The following COL5A1 variants were observed in gnomAD, a reference collection of about 807,000 sequenced individuals.
COL5A1 encodes the protein collagen alpha-1(V) chain.
Under a neutral mutation model 263.7 loss-of-function variants are expected in COL5A1, and 16 were observed. The ratio of observed to expected loss-of-function variants is 0.06; its 90% CI spans 0.04 to 0.09. The LOEUF is 0.09. Among genes scored for constraint, COL5A1 ranks in the 10% least tolerant of loss-of-function variants. The pLI is 1.00. For missense variants in COL5A1, 2,036 were observed against 2,540.5 expected (o/e 0.80, Z 4.27); for synonymous variants, 1,012 against 1,004.5 (o/e 1.01, Z -0.14).
At chr9:134,769,910 A>G (rs531722141) in intron 25 of COL5A1, among the ~76,000 whole-genome samples, 1 of 152,140 alleles carries the variant, frequency 6.6e-6, no homozygotes, top group Admixed American at 6.5e-5. Flanking sequence ...CAGCTGACCT[A>G]ACTTGTTCTC....
chr9:134,702,393 C>T (rs750001541), intron 4 of COL5A1, among the ~76,000 whole-genome samples: 2 of 151,992 alleles, frequency 1.3e-5, no homozygotes, highest in South Asian at 2.1e-4. Context: ...CGAGCGCTGC[C>T]GTGAGCTCCT....
rs373594099 is a variant in COL5A1 at position 134,736,355 on chromosome 9, C to T, written c.1390-2119C>T. ...GCCTTCTTGCTGTGTCCTCACATAG[C>T]GGAAGGCATCGCATGGTGAGAAGGA... On this transcript the variant is annotated intron_variant, in intron 9 of 65. Coordinates refer to ENST00000371817, the MANE Select transcript of COL5A1 (RefSeq NM_000093.5). 3.9e-5 allele frequency among the ~76,000 whole-genome samples: 6 copies of T among 152,334 alleles called. No homozygotes were observed. The South Asian group carries it at 8.3e-4, about 21-fold the overall frequency.
chr9:134,703,481 A>C (rs1384988676), intron 4 of COL5A1, among the ~76,000 whole-genome samples: 1 of 152,098 alleles, frequency 6.6e-6, no homozygotes, highest in Non-Finnish European at 1.5e-5. Flanking sequence ...CATTTGTAAA[A>C]CATTGGTCAC....
intron 32 of COL5A1, among the ~76,000 whole-genome samples, chr9:134,790,812 G>C (rs1275903021): frequency 6.6e-6 from 1 of 151,892 alleles, no homozygotes; most frequent in African/African-American, 2.4e-5. Context: ...GAAACATGGG[G>C]AATGTGAGGT....
chr9:134,800,219 G>A (rs1838057365), intron 37 of COL5A1, among the ~76,000 whole-genome samples: 1 of 152,204 alleles, frequency 6.6e-6, no homozygotes, highest in Non-Finnish European at 1.5e-5. Flanking sequence ...GCCCTGGGGA[G>A]GCCTTTTTTG....
intron 4 of COL5A1, among the ~76,000 whole-genome samples, chr9:134,707,586 C>T (rs1049774018): frequency 7.0e-6 from 1 of 142,862 alleles, no homozygotes; most frequent in Non-Finnish European, 1.5e-5. Flanking sequence ...TGAGTGGGAA[C>T]GTCCCCCAGG....
At chr9:134,707,201 A>C (rs1833866732) in intron 4 of COL5A1, among the ~76,000 whole-genome samples, 1 of 152,078 alleles carries the variant, frequency 6.6e-6, no homozygotes, top group Non-Finnish European at 1.5e-5. Context: ...CCGGCCAGCG[A>C]GTTCTGGGCC....
chr9:134,814,656 C>G, intron 49 of COL5A1, 141 bp from the exon 50 acceptor site: 2 of 709,826 alleles, frequency 2.8e-6, no homozygotes, highest in Non-Finnish European at 5.0e-6. Flanking sequence ...GGGGAGCGAC[C>G]TGGCAGCCAG....
At chr9:134,725,758 T>C (rs1042916767) in intron 4 of COL5A1, among the ~76,000 whole-genome samples, 4 of 152,346 alleles carry the variant, frequency 2.6e-5, no homozygotes, top group Admixed American at 1.3e-4. Flanking sequence ...TGTGGGTTCA[T>C]CCGCCTTGTA....
At chr9:134,708,410 A>C in intron 4 of COL5A1, 1 of 393,430 alleles carries the variant, frequency 2.5e-6, no homozygotes, top group South Asian at 1.9e-5. Context: ...TGCGGCTCAG[A>C]GCAACTCCCG....
At chr9:134,735,685 C>T (rs544615647) in intron 9 of COL5A1, among the ~76,000 whole-genome samples, 6 of 152,362 alleles carry the variant, frequency 3.9e-5, no homozygotes, top group Admixed American at 6.5e-5. Flanking sequence ...GTCCCTGGCC[C>T]CTTGATGGCC....
chr9:134,689,507 T>TA (rs1833197491), intron 1 of COL5A1, among the ~76,000 whole-genome samples: 1 of 152,224 alleles, frequency 6.6e-6, no homozygotes, highest in South Asian at 2.1e-4. Context: ...TTGATCCAGC[T>TA]ACTCAAACAG....
intron 49 of COL5A1, 124 bp from the exon 50 acceptor site, chr9:134,814,673 G>T (rs1838671157): frequency 2.6e-6 from 2 of 779,842 alleles, no homozygotes; most frequent in Non-Finnish European, 2.2e-6. Flanking sequence ...CCAGCCCCCT[G>T]CAGGGCTCAG....
rs751422216 is a variant in COL5A1, at chr9:134,795,070, C to G, written c.2701-12C>G. 28 of 1,613,754 alleles carry G rather than the reference C, an allele frequency of 1.7e-5. No homozygotes were observed. Among genetic ancestry groups the G allele is most frequent in the Non-Finnish European group, 2.3e-5 (27 of 1,179,886 alleles). ...TTAGAGAGTGACTGACCAGCCCCTT[C>G]TCTGATTCTAGGGGACCCCTGGAAA... On this transcript the variant is annotated splice_polypyrimidine_tract_variant and intron_variant, in intron 32 of 65. Transcript: ENST00000371817.
At chr9:134,825,727 C>T in intron 62 of COL5A1, 65 bp from the exon 63 acceptor site, 1 of 1,081,834 alleles carries the variant, frequency 9.2e-7, no homozygotes. Flanking sequence ...ACAGCGGCTT[C>T]CGGAACCATC....
Position 134,765,719 on chromosome 9 carries a change from T to A in COL5A1, c.2073T>A (p.Gly691=), listed in dbSNP as rs1037184070. 1.9e-5 allele frequency: 30 copies of A among 1,613,104 alleles called. No individual in the cohort carries two copies. Among genetic ancestry groups the A allele is most frequent in the Non-Finnish European group, 2.5e-5 (30 of 1,179,502 alleles). The change falls in exon 21 of 66, where the codon GGT becomes GGA. Residue 691 remains glycine (G), a synonymous_variant. Transcript: ENST00000371817. The surrounding 1 kb of genome is among the most constrained non-coding windows in gnomAD (Gnocchi z 5.1). ...TGCTTGGGCCGAAGGGGCCCCCAGG[T>A]CCTCCCGGACCTCCCGTAAGTCCCA... ...RGLLGPKGPP[G]PPGPPGVTGM...
chr9:134,824,617 C>T lies in COL5A1; in HGVS notation c.4716C>T (p.Val1572=), dbSNP rs1158657088. 6.2e-6 allele frequency: 10 copies of T among 1,614,030 alleles called. No homozygotes were observed. Among genetic ancestry groups the T allele is most frequent in the South Asian group, 2.2e-5 (2 of 91,082 alleles). ...TCCCCCAGGGCCCCCCGGGAGAGGT[C>T]ATCCAGCCCCTGCCAATCCAGGCAT... is the stretch of plus-strand genomic sequence containing the variant. ...PPGPPGPPGE[V]IQPLPIQASR... The change falls in exon 62 of 66, where the codon GTC becomes GTT. Residue 1572 remains valine, a synonymous_variant. Transcript: ENST00000371817.
At chr9:134,773,458 G>A (rs922044638) in intron 26 of COL5A1, among the ~76,000 whole-genome samples, 1 of 152,134 alleles carries the variant, frequency 6.6e-6, no homozygotes, top group Non-Finnish European at 1.5e-5. Flanking sequence ...CCTGGTGTGC[G>A]CCAACCTTCG....
chr9:134,775,577 A>G (rs1054736080), intron 27 of COL5A1, among the ~76,000 whole-genome samples: 7 of 152,210 alleles, frequency 4.6e-5, no homozygotes, highest in Non-Finnish European at 1.0e-4. Flanking sequence ...GAGCTGGGTA[A>G]TGCAATCTCG....
Sources: allele counts gnomAD v4.1 joint callset (sites outside exome capture counted in the v4.1 genomes callset), GRCh38; gene constraint gnomAD v4.1.1; non-coding constraint Gnocchi (gnomAD v3.1); transcripts MANE v1.5; gene names NCBI Gene and HGNC (gene_info 2026-07-23, HGNC 2026-07-21).